Variants in PRKG1 observed in about 807,000 individuals in gnomAD.
PRKG1 encodes protein kinase cGMP-dependent 1.
Under a neutral mutation model 88.1 loss-of-function variants are expected in PRKG1, and 35 were observed. The observed-to-expected ratio is 0.40, with a 90% CI of 0.30 to 0.53. The LOEUF (loss-of-function observed/expected upper bound fraction) is 0.53, where lower values mean the gene tolerates loss of function less well. PRKG1 is among the 20% of genes least tolerant of loss of function. PRKG1 has a pLI of 0.59. For missense variants in PRKG1, 540 were observed against 839.8 expected (o/e 0.64, Z 4.41); for synonymous variants, 303 against 292.5 (o/e 1.04, Z -0.37).
At chr10:52,267,582 G>A (rs57497780) in intron 10 of PRKG1, among the ~76,000 whole-genome samples, 7,590 of 151,966 alleles carry the variant, frequency 0.05, 273 homozygotes, top group South Asian at 0.19. Flanking sequence ...CATTGTTAAC[G>A]TATTGATGAA....
At chr10:51,906,385 C>A (rs1177520875) in intron 4 of PRKG1, among the ~76,000 whole-genome samples, 2 of 152,120 alleles carry the variant, frequency 1.3e-5, no homozygotes, top group Non-Finnish European at 2.9e-5. Context: ...AACATATGCC[C>A]AGGGTGGTTG....
intron 3 of PRKG1, among the ~76,000 whole-genome samples, chr10:51,658,048 A>G (rs1384302758): frequency 2.0e-5 from 3 of 152,204 alleles, no homozygotes; most frequent in African/African-American, 7.2e-5. Context: ...GCTGGTTATA[A>G]GACCAGGCTC....
intron 2 of PRKG1, among the ~76,000 whole-genome samples, chr10:51,273,647 A>G (rs61852063): frequency 0.14 from 20,612 of 152,248 alleles, 1,495 homozygotes; most frequent in East Asian, 0.19. Flanking sequence ...ACATTTAAAC[A>G]CTGGGACATC....
intron 2 of PRKG1, among the ~76,000 whole-genome samples, chr10:51,259,635 G>A (rs12257728): frequency 0.063 from 9,559 of 152,100 alleles, 376 homozygotes; most frequent in Middle Eastern, 0.099. Context: ...CACCACGCCC[G>A]TCTAATTTTT....
At chr10:52,188,539 T>A (rs1273914564) in intron 9 of PRKG1, among the ~76,000 whole-genome samples, 1 of 151,538 alleles carries the variant, frequency 6.6e-6, no homozygotes, top group Non-Finnish European at 1.5e-5. Flanking sequence ...TATATCTTAA[T>A]GTGCATTGGA....
intron 3 of PRKG1, among the ~76,000 whole-genome samples, chr10:51,733,811 G>A (rs1032782995): frequency 3.3e-5 from 5 of 152,040 alleles, no homozygotes; most frequent in Non-Finnish European, 7.4e-5. Context: ...AATATTTTGA[G>A]TACCTTGGGA....
At chr10:51,108,835 T>G (rs1844911809) in intron 1 of PRKG1, among the ~76,000 whole-genome samples, 1 of 152,178 alleles carries the variant, frequency 6.6e-6, no homozygotes, top group East Asian at 1.9e-4. Context: ...ATAGCTTTTT[T>G]TCAGGCAATA....
intron 3 of PRKG1, among the ~76,000 whole-genome samples, chr10:51,560,698 A>C (rs1837436027): frequency 6.6e-6 from 1 of 152,014 alleles, no homozygotes; most frequent in African/African-American, 2.4e-5. Flanking sequence ...AAAATATTTT[A>C]TATATAATTA....
intron 3 of PRKG1, among the ~76,000 whole-genome samples, chr10:51,709,246 C>A (rs1481728275): frequency 6.6e-6 from 1 of 152,164 alleles, no homozygotes; most frequent in South Asian, 2.1e-4. Context: ...ATATATAATG[C>A]GTGATCTTCT....
chr10:52,150,161 TAATA>T (rs1564490902), intron 8 of PRKG1, among the ~76,000 whole-genome samples: 1 of 89,162 alleles, frequency 1.1e-5, no homozygotes, highest in African/African-American at 3.3e-5. Context: ...ATAATAATAA[TAATA>T]ATAATAATAA....
At chr10:52,035,778 C>T (rs1010678471) in intron 5 of PRKG1, among the ~76,000 whole-genome samples, 17 of 152,092 alleles carry the variant, frequency 1.1e-4, no homozygotes, top group Admixed American at 6.5e-4. Context: ...GTTATGAGAA[C>T]TGTAGAGAGT....
chr10:52,189,377 G>C (rs77057741), intron 9 of PRKG1, among the ~76,000 whole-genome samples: 1 of 152,106 alleles, frequency 6.6e-6, no homozygotes, highest in Admixed American at 6.6e-5. Flanking sequence ...CCAGACCAGG[G>C]GTTCCCAATC....
intron 5 of PRKG1, among the ~76,000 whole-genome samples, chr10:52,035,029 G>A (rs992173582): frequency 6.6e-6 from 1 of 152,160 alleles, no homozygotes; most frequent in Non-Finnish European, 1.5e-5. Context: ...GGACATAAAG[G>A]TTTCACTGAA....
At chr10:51,428,773 T>C (rs867168096) in intron 2 of PRKG1, among the ~76,000 whole-genome samples, 1 of 152,188 alleles carries the variant, frequency 6.6e-6, no homozygotes, top group Non-Finnish European at 1.5e-5. Flanking sequence ...CCCCTGTGCA[T>C]TGTCAGACAC....
At chr10:51,524,943 A>C (rs569121415) in intron 3 of PRKG1, among the ~76,000 whole-genome samples, 1 of 152,364 alleles carries the variant, frequency 6.6e-6, no homozygotes, top group Non-Finnish European at 1.5e-5. Context: ...TATTTAAAAT[A>C]ATGTCATTAA....
chr10:51,097,053 C>T (rs1207696847), intron 1 of PRKG1, among the ~76,000 whole-genome samples: 3 of 152,150 alleles, frequency 2.0e-5, no homozygotes, highest in Non-Finnish European at 4.4e-5. Flanking sequence ...GTGGGGTCTT[C>T]CCCAAATGTT....
chr10:51,939,739 C>CTCCCCTCCCCCAGCCT (rs1564717482), intron 5 of PRKG1, among the ~76,000 whole-genome samples: 1 of 151,620 alleles, frequency 6.6e-6, no homozygotes, highest in African/African-American at 2.4e-5. Flanking sequence ...TTTTAACTTA[C>CTCCCCTCCCCCAGCCT]CAGTGGGAAT....
intron 5 of PRKG1, among the ~76,000 whole-genome samples, chr10:52,040,028 C>T (rs938342179): frequency 6.6e-6 from 1 of 152,100 alleles, no homozygotes; most frequent in East Asian, 1.9e-4. Context: ...GTGAGGAGCC[C>T]TTTTCTCCCT....
intron 4 of PRKG1, among the ~76,000 whole-genome samples, chr10:51,842,550 G>A (rs1427014186): frequency 6.6e-6 from 1 of 152,102 alleles, no homozygotes; most frequent in Non-Finnish European, 1.5e-5. Flanking sequence ...GTGACAATGT[G>A]TTACCTGTTA....
Sources: allele counts gnomAD v4.1 joint callset (sites outside exome capture counted in the v4.1 genomes callset), GRCh38; gene constraint gnomAD v4.1.1; transcripts MANE v1.5; gene names NCBI Gene and HGNC (gene_info 2026-07-23, HGNC 2026-07-21).